ADCY10: variants seen among roughly 807,000 people sequenced by gnomAD.
The protein encoded by ADCY10 is adenylate cyclase type 10.
In ADCY10, 156 loss-of-function variants were observed where a neutral mutation model predicts 183.3. The ratio of observed to expected loss-of-function variants is 0.85; its 90% CI spans 0.75 to 0.97. The LOEUF is 0.97. Ranked by LOEUF, ADCY10 falls within the 50% of genes least tolerant of loss-of-function variation. The pLI is 0.00. For missense variants in ADCY10, 1,745 were observed against 1,934.3 expected (o/e 0.90, Z 1.84); for synonymous variants, 645 against 670.0 (o/e 0.96, Z 0.58).
chr1:167,824,364 A>G, intron 28 of ADCY10, 112 bp downstream of exon 28: 1 of 882,670 alleles, frequency 1.1e-6, no homozygotes, highest in Non-Finnish European at 1.9e-6. Context: ...ACATTTTCTT[A>G]CTGCAAACTC....
intron 14 of ADCY10, 89 bp downstream of exon 14, chr1:167,870,168 A>T: frequency 7.0e-7 from 1 of 1,436,826 alleles, no homozygotes; most frequent in Non-Finnish European, 9.8e-7. Flanking sequence ...TAGATAATTT[A>T]CATAAGGCAA....
chr1:167,859,168 T>A (rs925973062), intron 16 of ADCY10, among the ~76,000 whole-genome samples: 2 of 152,172 alleles, frequency 1.3e-5, no homozygotes, highest in Non-Finnish European at 2.9e-5. Context: ...TACATCCAAG[T>A]GGAATATATA....
chr1:167,813,131 C>T (rs904128388), intron 31 of ADCY10, among the ~76,000 whole-genome samples: 1 of 152,090 alleles, frequency 6.6e-6, no homozygotes, highest in Non-Finnish European at 1.5e-5. Context: ...TGATAAAAGA[C>T]ATGAATATAA....
At chr1:167,834,763 C>G (rs1159328758) in intron 23 of ADCY10, 1 of 155,152 alleles carries the variant, frequency 6.4e-6, no homozygotes, top group Non-Finnish European at 1.4e-5. Flanking sequence ...CCCAGTCCCA[C>G]TGGAGTTTGA....
At chr1:167,841,649 C>T (rs1009095184) in intron 21 of ADCY10, among the ~76,000 whole-genome samples, 3 of 151,794 alleles carry the variant, frequency 2.0e-5, no homozygotes, top group Admixed American at 1.3e-4. Context: ...CACAAGCCAT[C>T]GCACCTGGCT....
At chr1:167,820,193 C>G in intron 30 of ADCY10, 1 of 1,542,060 alleles carries the variant, frequency 6.5e-7, no homozygotes, top group South Asian at 1.2e-5. Flanking sequence ...GGCCGCAGCT[C>G]CCGAGGCTGC....
At position 167,810,781 on chromosome 1, in the gene ADCY10, G is replaced by T. The variant is rs150827904; in HGVS notation, c.4615C>A (p.Arg1539=). The change falls in exon 32 of 33, where the codon CGG becomes AGG. Residue 1539 remains arginine, a synonymous_variant. Coordinates refer to ENST00000367851, the MANE Select transcript of ADCY10 (RefSeq NM_018417.6). ...KCGLFLNTAL[R]LSETQGNILE... is the part of the protein sequence containing the mutation. ...ATATTCCCCTGTGTTTCAGAGAGCC[G>T]CAAGGCTGTGTTCAGGAAGAGGCCA... 8 of 1,614,036 alleles carry T rather than the reference G, an allele frequency of 5.0e-6. No homozygotes were observed. The African/African-American group carries it at 1.1e-4, about 22-fold the overall frequency.
chr1:167,876,257 CAAA>C (rs71301004), intron 12 of ADCY10, among the ~76,000 whole-genome samples: 10 of 85,128 alleles, frequency 1.2e-4, no homozygotes, highest in Non-Finnish European at 1.7e-4. Flanking sequence ...AGCTCCATCT[CAAA>C]AAAAAAAAAA....
intron 12 of ADCY10, 31 bp from the exon 13 acceptor site, chr1:167,875,217 G>A (rs1474333986): frequency 1.9e-6 from 3 of 1,606,452 alleles, no homozygotes; most frequent in Non-Finnish European, 2.6e-6. Context: ...ACAGATGCTA[G>A]ATTCAAAACA....
At position 167,905,184 on chromosome 1, in the gene ADCY10, C is replaced by T. The variant is rs570638073; in HGVS notation, c.-44G>A. On this transcript the variant is annotated 5_prime_UTR_variant, in exon 2 of 33. Transcript: ENST00000367851. ...GGATTTTATGGTGACAGGAAGCAGT[C>T]TCCAAATAGGTCTTCTAAAAAGAAA... The T allele has an allele frequency of 2.5e-6, 4 of 1,610,876 alleles. No homozygotes were observed. The South Asian group carries it at 3.3e-5, about 13-fold the overall frequency.
intron 18 of ADCY10, among the ~76,000 whole-genome samples, chr1:167,849,543 C>T (rs1356304331): frequency 1.3e-5 from 2 of 152,176 alleles, no homozygotes; most frequent in Admixed American, 1.3e-4. Context: ...GAGTTCACAT[C>T]AATACAGGAC....
At chr1:167,893,515 T>C (rs423717) in intron 8 of ADCY10, among the ~76,000 whole-genome samples, 34,696 of 151,574 alleles carry the variant, frequency 0.23, 4,070 homozygotes, top group Admixed American at 0.27. Flanking sequence ...GAATTTGAGA[T>C]CAGTCAGGCC....
At chr1:167,809,960 A>G in intron 32 of ADCY10, 121 bp from the exon 33 acceptor site, 1 of 992,046 alleles carries the variant, frequency 1.0e-6, no homozygotes, top group Non-Finnish European at 1.6e-6. Context: ...CCCATAGACA[A>G]AAACGAATCT....
chr1:167,860,578 G>A (rs536200002), intron 15 of ADCY10, among the ~76,000 whole-genome samples: 2 of 152,318 alleles, frequency 1.3e-5, no homozygotes, highest in South Asian at 4.1e-4. Context: ...GGCATCACTT[G>A]TAGGAACAGA....
intron 31 of ADCY10, among the ~76,000 whole-genome samples, chr1:167,813,501 C>A (rs151228018): frequency 6.6e-6 from 1 of 151,366 alleles, no homozygotes; most frequent in Non-Finnish European, 1.5e-5. Context: ...AAAATGCCCA[C>A]GCCTTAAAAA....
chr1:167,822,975 C>A (rs778997686), intron 29 of ADCY10, 33 bp downstream of exon 29: 13 of 1,592,972 alleles, frequency 8.2e-6, no homozygotes, highest in Non-Finnish European at 1.1e-5. Context: ...ATCAACACCC[C>A]CAAGTTCTTT....
At chr1:167,892,985 C>G (rs1001754707) in intron 8 of ADCY10, among the ~76,000 whole-genome samples, 7 of 152,108 alleles carry the variant, frequency 4.6e-5, no homozygotes, top group Non-Finnish European at 1.0e-4. Flanking sequence ...CTACCAAGGA[C>G]TGTAAAGAAT....
intron 18 of ADCY10, among the ~76,000 whole-genome samples, chr1:167,850,922 C>G (rs114758259): frequency 1.8e-3 from 280 of 152,044 alleles, no homozygotes; most frequent in African/African-American, 6.4e-3. Flanking sequence ...TAGTGGGAAA[C>G]AAACATTAAA....
chr1:167,899,470 G>T lies in ADCY10; in HGVS notation c.595C>A (p.Arg199=). 1 of 1,614,112 alleles carries T rather than the reference G, an allele frequency of 6.2e-7. No individual in the cohort carries two copies. The highest frequency in any genetic ancestry group is 1.3e-5 in the African/African-American group (1 of 75,018). The part of the protein sequence containing the change: ...LSPNCWQLCD[R]SMIEIESVPD... The stretch of plus-strand genomic sequence containing the variant: ...ACACTCTCAATTTCAATCATGCTCC[G>T]GTCACAGAGCTGCCAGCAGTTTGGT... Residue 199 remains arginine (R), a synonymous_variant, in exon 6 of 33, where the codon CGG becomes AGG. Coordinates refer to ENST00000367851, the MANE Select transcript of ADCY10 (RefSeq NM_018417.6).
Sources: gnomAD v4.1 joint callset for allele counts (sites outside exome capture counted in the v4.1 genomes callset) on GRCh38, gnomAD v4.1.1 for gene constraint, MANE v1.5 for transcripts, NCBI Gene and HGNC (gene_info 2026-07-23, HGNC 2026-07-21) for gene names.